The following APC variants were observed in gnomAD, a reference collection of about 807,000 sequenced individuals.
The protein encoded by APC is APC regulator of Wnt signaling pathway, also known as adenomatous polyposis coli protein.
Under a neutral mutation model 247.0 loss-of-function variants are expected in APC, and 72 were observed. The observed-to-expected ratio is 0.29, with a 90% confidence interval of 0.24 to 0.35. The LOEUF is 0.35. Ranked by LOEUF, APC falls within the 10% of genes least tolerant of loss-of-function variation. The pLI, the probability that APC is intolerant of heterozygous loss-of-function variation, is 1.00. For synonymous variants in APC, 1,254 were observed against 1,162.5 expected, an observed-to-expected ratio of 1.08 and a Z score of -1.60; for missense variants, 3,400 against 3,360.7, an observed-to-expected ratio of 1.01 and a Z score of -0.29.
intron 1 of APC, among the ~76,000 whole-genome samples, chr5:112,727,406 A>G (rs998542750): frequency 6.6e-6 from 1 of 152,298 alleles, no homozygotes; most frequent in East Asian, 1.9e-4. Flanking sequence ...TTCTCTTTCA[A>G]GGTAAGAATT....
At chr5:112,788,020 A>T (rs1297811760) in intron 6 of APC, among the ~76,000 whole-genome samples, 1 of 152,120 alleles carries the variant, frequency 6.6e-6, no homozygotes, top group East Asian at 1.9e-4. Context: ...TTATGTTGTT[A>T]ACTGAATTTC....
chr5:112,842,153 G>A lies in APC; in HGVS notation c.6559G>A (p.Gly2187Arg), dbSNP rs762346476. Residue 2187 changes from glycine to arginine, a missense_variant, in exon 16 of 16, where the codon GGA becomes AGA. By Grantham distance (125) the Gly-to-Arg change is moderately radical. Transcript: ENST00000257430. ...ETKKIESESK[G>R]IKGGKKVYKS... Reference sequence around the variant, plus strand: ...TAAAAAGATAGAATCTGAAAGTAAAGGAATCAAAGGAGGAAAAAAAGTTTA... The same window carrying A: ...TAAAAAGATAGAATCTGAAAGTAAAAGAATCAAAGGAGGAAAAAAAGTTTA... The A allele has an allele frequency of 6.2e-7, 1 of 1,612,082 alleles. No individual in the cohort carries two copies. The highest frequency in any genetic ancestry group is 8.5e-7 in the Non-Finnish European group (1 of 1,178,890).
At chr5:112,737,277 G>C (rs565150127), upstream of APC, among the ~76,000 whole-genome samples, 1 of 152,308 alleles carries the variant, frequency 6.6e-6, no homozygotes, top group African/African-American at 2.4e-5. Context: ...AGTAACTAAA[G>C]TTACAGAGCT....
intron 2 of APC, 113 bp from the exon 3 acceptor site, chr5:112,766,213 C>T (rs1756298633): frequency 1.4e-6 from 1 of 735,082 alleles, no homozygotes; most frequent in East Asian, 2.6e-5. Context: ...AAGGTGCGTG[C>T]TTTGAGAGTG....
At position 112,801,395 on chromosome 5, in the gene APC, A is replaced by C. The variant is rs1234384149; in HGVS notation, c.834+12A>C. Reference sequence around the variant, plus strand: ...CTGGTAATGGTCAGGTAAATAAATTATTTTATCATATTTTTTAAAATTATT... The same window carrying C: ...CTGGTAATGGTCAGGTAAATAAATTCTTTTATCATATTTTTTAAAATTATT... On this transcript the variant is annotated intron_variant, in intron 8 of 15. Coordinates refer to ENST00000257430, the MANE Select transcript of APC (RefSeq NM_000038.6). 1 of 1,525,328 alleles carries C rather than the reference A, an allele frequency of 6.6e-7. No homozygotes were observed. Among genetic ancestry groups the C allele is most frequent in the South Asian group, 1.2e-5 (1 of 83,908 alleles). The allele number at this position is 1,525,328 out of a possible 1,614,324, so 94.5% of individuals were successfully genotyped here. A position where few individuals can be genotyped will look rare whatever the true frequency, so the allele number is the denominator to read the frequency against.
intron 2 of APC, among the ~76,000 whole-genome samples, chr5:112,763,172 T>G (rs1755855650): frequency 6.6e-6 from 1 of 152,210 alleles, no homozygotes; most frequent in Non-Finnish European, 1.5e-5. Context: ...AATAGAACTT[T>G]ATTACAAGTT....
intron 3 of APC, among the ~76,000 whole-genome samples, 168 bp from the exon 4 acceptor site, chr5:112,767,021 C>A (rs967449989): frequency 2.0e-5 from 3 of 152,136 alleles, no homozygotes; most frequent in Admixed American, 2.0e-4. Flanking sequence ...TTTACCCTGA[C>A]CCAAGTGGAC....
chr5:112,801,210 A>G, intron 7 of APC, 69 bp from the exon 8 acceptor site: 1 of 1,323,746 alleles, frequency 7.6e-7, no homozygotes, highest in Non-Finnish European at 1.1e-6. Flanking sequence ...GCAAAAAAAG[A>G]AAAAAAGCCT....
intron 6 of APC, among the ~76,000 whole-genome samples, chr5:112,789,074 C>G (rs1759294146): frequency 1.3e-5 from 2 of 152,106 alleles, no homozygotes; most frequent in Admixed American, 6.5e-5. Context: ...AAGGGATTTA[C>G]CTTCTATTCT....
At chr5:112,734,777 TTG>T (rs71626673), upstream of APC, among the ~76,000 whole-genome samples, 20,398 of 146,668 alleles carry the variant, frequency 0.14, 3,497 homozygotes, top group African/African-American at 0.4. Flanking sequence ...AAGGGTTTTC[TTG>T]TGTGTGTGTG....
At chr5:112,822,831 G>A (rs754396951) in intron 11 of APC, among the ~76,000 whole-genome samples, 1 of 151,970 alleles carries the variant, frequency 6.6e-6, no homozygotes. Flanking sequence ...TCCCCTCATC[G>A]TTTCATTCGT....
chr5:112,779,480 C>A (rs1483157450), intron 5 of APC, among the ~76,000 whole-genome samples: 1 of 152,090 alleles, frequency 6.6e-6, no homozygotes, highest in African/African-American at 2.4e-5. Context: ...TTATCAGGCA[C>A]CATTGGCAAC....
At chr5:112,719,948 A>C (rs1275070488) in intron 1 of APC, among the ~76,000 whole-genome samples, 1 of 152,208 alleles carries the variant, frequency 6.6e-6, no homozygotes, top group African/African-American at 2.4e-5. Flanking sequence ...ACAAAATACG[A>C]TTTCAAAAAT....
At chr5:112,720,273 G>T (rs756732849) in intron 1 of APC, among the ~76,000 whole-genome samples, 4 of 152,168 alleles carry the variant, frequency 2.6e-5, no homozygotes, top group Non-Finnish European at 5.9e-5. Flanking sequence ...TGAAAACCTA[G>T]AATTCTTATG....
rs1007581628 is a variant in APC at position 112,838,396 on chromosome 5, T to G, written c.2802T>G (p.Thr934=). Residue 934 remains threonine, a synonymous_variant, in exon 16 of 16, where the codon ACT becomes ACG. Transcript: ENST00000257430. ...CTGCTGCCCATACACATTCAAACAC[T>G]TACAATTTCACTAAGTCGGAAAATT... The part of the protein sequence containing the change: ...RSSAAHTHSN[T]YNFTKSENSN... The G allele has an allele frequency of 3.1e-6, 5 of 1,614,182 alleles. No individual in the cohort carries two copies. In the Admixed American group the frequency reaches 8.3e-5, roughly 27 times the overall value.
chr5:112,726,025 C>T (rs1046721373), intron 1 of APC, among the ~76,000 whole-genome samples: 3 of 152,064 alleles, frequency 2.0e-5, no homozygotes, highest in African/African-American at 4.8e-5. Flanking sequence ...TTCAGGCCAC[C>T]GTCCATGCTC....
chr5:112,825,462 C>T (rs1580556651), intron 11 of APC, among the ~76,000 whole-genome samples: 1 of 152,210 alleles, frequency 6.6e-6, no homozygotes, highest in South Asian at 2.1e-4. Flanking sequence ...TGGCCCTCTC[C>T]TTGCTGTTAA....
At chr5:112,771,933 T>A (rs898145674) in intron 4 of APC, among the ~76,000 whole-genome samples, 2 of 152,168 alleles carry the variant, frequency 1.3e-5, no homozygotes, top group African/African-American at 4.8e-5. Flanking sequence ...AACCTCAGTT[T>A]TCTAGTTAGT....
chr5:112,828,088 G>A, intron 13 of APC, 82 bp downstream of exon 13: 1 of 1,167,468 alleles, frequency 8.6e-7, no homozygotes, highest in Non-Finnish European at 1.3e-6. Context: ...AGGCTTAGAG[G>A]GCAGTTGTGC....
Sources: allele counts gnomAD v4.1 joint callset (sites outside exome capture counted in the v4.1 genomes callset), GRCh38; gene constraint gnomAD v4.1.1; transcripts MANE v1.5; gene names NCBI Gene and HGNC (gene_info 2026-07-23, HGNC 2026-07-21).